The following METTL13 variants were observed in gnomAD, a reference collection of about 807,000 sequenced individuals.
The protein encoded by METTL13 is eEF1A lysine and N-terminal methyltransferase.
Under a neutral mutation model 67.4 loss-of-function variants are expected in METTL13, and 52 were observed. The ratio of observed to expected loss-of-function variants is 0.77; its 90% CI spans 0.62 to 0.97. METTL13 has a LOEUF of 0.97. METTL13 is among the 50% of genes least tolerant of loss of function. METTL13 has a pLI of 0.00. For synonymous variants in METTL13, 354 were observed against 353.6 expected, an observed-to-expected ratio of 1.00 and a Z score of -0.01; for missense variants, 825 against 889.6, an observed-to-expected ratio of 0.93 and a Z score of 0.92.
chr1:171,787,816 G>C lies in METTL13; in HGVS notation c.1195G>C (p.Val399Leu). 1 of 1,614,174 alleles carries C rather than the reference G, an allele frequency of 6.2e-7. No homozygotes were observed. Among genetic ancestry groups the C allele is most frequent in the Non-Finnish European group, 8.5e-7 (1 of 1,180,028 alleles). Reference protein sequence around the residue: ...QDCSPLSGDYVIEDVQGDDKR... With the variant: ...QDCSPLSGDYLIEDVQGDDKR... ...CTGCAGCCCCTTGAGCGGTGACTAT[G>C]TCATTGAGGATGTGCAAGGGGATGA... Residue 399 changes from valine (V) to leucine (L), a missense_variant, in exon 4 of 8, where the codon GTC becomes CTC. Coordinates refer to ENST00000361735, the MANE Select transcript of METTL13 (RefSeq NM_015935.5).
intron 2 of METTL13, 94 bp from the exon 3 acceptor site, chr1:171,785,785 C>T: frequency 1.5e-6 from 2 of 1,308,656 alleles, no homozygotes; most frequent in Non-Finnish European, 2.1e-6. Flanking sequence ...AGATGCTGGT[C>T]TTGGACAGGG....
Position 171,785,963 on chromosome 1 carries a change from T to C in METTL13, c.998T>C (p.Leu333Ser), listed in dbSNP as rs1656993691. 1 of 1,613,818 alleles carries C rather than the reference T, an allele frequency of 6.2e-7. No individual in the cohort carries two copies. Among genetic ancestry groups the C allele is most frequent in the Non-Finnish European group, 8.5e-7 (1 of 1,179,970 alleles). Reference sequence around the variant, plus strand: ...GCGGCCAGTGCTGGCTTCAGGAGGTTGATTACAGTGGCCCTTCACCGAGGT... The same window carrying C: ...GCGGCCAGTGCTGGCTTCAGGAGGTCGATTACAGTGGCCCTTCACCGAGGT... ...QLAASAGFRR[L>S]ITVALHRGQQ... Residue 333 changes from leucine (L) to serine (S), a missense_variant, in exon 3 of 8, where the codon TTG (leucine) becomes TCG (serine). Coordinates refer to ENST00000361735, the MANE Select transcript of METTL13 (RefSeq NM_015935.5).
At chr1:171,783,604 C>T (rs1368913512) in intron 1 of METTL13, 136 bp from the exon 2 acceptor site, 19 of 978,848 alleles carry the variant, frequency 1.9e-5, no homozygotes, top group African/African-American at 3.3e-5. Flanking sequence ...TCTACAATGT[C>T]GCTCTTTCTC....
At chr1:171,790,685 C>T in intron 5 of METTL13, 69 bp downstream of exon 5, 2 of 1,358,578 alleles carry the variant, frequency 1.5e-6, no homozygotes, top group Non-Finnish European at 1.9e-6. Context: ...ATTGGTGTCA[C>T]TTGCATTGTA....
chr1:171,794,256 C>T (rs962515540), intron 6 of METTL13, 140 bp from the exon 7 acceptor site: 1 of 1,262,462 alleles, frequency 7.9e-7, no homozygotes. Context: ...AGTGCCCTTA[C>T]AGGCAAACCA....
intron 4 of METTL13, among the ~76,000 whole-genome samples, chr1:171,789,167 A>G (rs1158606026): frequency 6.6e-6 from 1 of 152,200 alleles, no homozygotes; most frequent in East Asian, 1.9e-4. Flanking sequence ...TCATGGAAAG[A>G]ACGTTCTCCC....
Position 171,781,867 on chromosome 1 carries a change from C to T in METTL13, c.-101C>T. The T allele has an allele frequency of 5.2e-6, 8 of 1,544,136 alleles. No homozygotes were observed. Among genetic ancestry groups the T allele is most frequent in the Non-Finnish European group, 6.1e-6 (7 of 1,146,036 alleles). ...GCTGTTTTTCCGTGGAAAGAATTCC[C>T]ACTGCAGTGTCCCGGAGCCTGCGTG... On this transcript the variant is annotated 5_prime_UTR_variant, in exon 1 of 8. Transcript: ENST00000361735.
chr1:171,796,822 G>T lies in METTL13; in HGVS notation c.*66G>T. ...GACTCCCAGCCTGCCAGAGAATGAA[G>T]AAATACAACGCACAGTACTTTTGAA... On this transcript the variant is annotated 3_prime_UTR_variant, in exon 8 of 8. Transcript: ENST00000361735. The T allele has an allele frequency of 6.4e-7, 1 of 1,562,928 alleles. No homozygotes were observed. The highest frequency in any genetic ancestry group is 8.7e-7 in the Non-Finnish European group (1 of 1,152,992).
chr1:171,788,274 T>C (rs1657092023), intron 4 of METTL13, among the ~76,000 whole-genome samples: 1 of 152,238 alleles, frequency 6.6e-6, no homozygotes, highest in African/African-American at 2.4e-5. Context: ...AGGTGAGCCC[T>C]GCCCTCCATA....
At position 171,781,991 on chromosome 1, in the gene METTL13, C is replaced by A. The variant is rs1158131021; in HGVS notation, c.24C>A (p.Ser8=). Residue 8 remains serine, a synonymous_variant, in exon 1 of 8, where the codon TCC becomes TCA. Transcript: ENST00000361735. MNLLPKS[S]REFGSVDYWE... ...ACATGAACCTCTTACCTAAAAGTTC[C>A]AGGGAGTTTGGCTCCGTTGACTATT... is the stretch of plus-strand genomic sequence containing the variant. 6.2e-7 allele frequency: 1 copy of A among 1,614,142 alleles called. No individual in the cohort carries two copies. Among genetic ancestry groups the A allele is most frequent in the East Asian group, 2.2e-5 (1 of 44,872 alleles).
intron 7 of METTL13, 66 bp from the exon 8 acceptor site, chr1:171,796,416 G>A (rs2124908498): frequency 1.9e-6 from 3 of 1,577,268 alleles, no homozygotes; most frequent in South Asian, 2.3e-5. Context: ...TTTCCTCAAA[G>A]CCGATCCTTG....
In METTL13 at chr1:171,796,554, T is replaced by C; in HGVS notation, c.1898T>C (p.Val633Ala). The C allele has an allele frequency of 2.5e-6, 4 of 1,614,190 alleles. No individual in the cohort carries two copies. Among genetic ancestry groups the C allele is most frequent in the Non-Finnish European group, 3.4e-6 (4 of 1,180,036 alleles). Residue 633 changes from valine (V) to alanine (A), a missense_variant, in exon 8 of 8, where the codon GTG becomes GCG. Val to Ala is a moderately conservative substitution (Grantham distance 64). Transcript: ENST00000361735. The stretch of plus-strand genomic sequence containing the variant: ...TCAGTGCTGGCTGGGCTCAAGGCAG[T>C]GTTCCCCCTCCTATATGTCCGGCGA... Reference protein sequence around the residue: ...KDSVLAGLKAVFPLLYVRRIE... With the variant: ...KDSVLAGLKAAFPLLYVRRIE...
chr1:171,784,303 C>T lies in METTL13; in HGVS notation c.717C>T (p.Ala239=), dbSNP rs373283423. 2.7e-5 allele frequency: 44 copies of T among 1,608,724 alleles called. 1 individual carries two copies. The highest frequency in any genetic ancestry group is 2.3e-4 in the South Asian group (21 of 90,696). The change falls in exon 2 of 8, where the codon GCC becomes GCT. Residue 239 remains alanine, a synonymous_variant. Transcript: ENST00000361735. ...GCAAGCCTGTGCGGCTGGAGAGTGC[C>T]GAGCGGCTGGCCGAGGCGGTGCAGG... The part of the protein sequence containing the change: ...EQRKPVRLES[A]ERLAEAVQER...
chr1:171,783,860 G>A lies in METTL13; in HGVS notation c.274G>A (p.Ala92Thr), dbSNP rs765988287. 9 of 1,614,108 alleles carry A rather than the reference G, an allele frequency of 5.6e-6. No homozygotes were observed. The highest frequency in any genetic ancestry group is 7.6e-6 in the Non-Finnish European group (9 of 1,180,052). Residue 92 changes from alanine (A) to threonine (T), a missense_variant, in exon 2 of 8, where the codon GCC becomes ACC. Physicochemically the swap from Ala to Thr is moderately conservative, Grantham distance 58. Transcript: ENST00000361735. ...VVIKQMKECN[A>T]TRRPQMSFLK... Reference sequence around the variant, plus strand: ...CATCAAGCAAATGAAGGAATGTAATGCCACCCGACGGCCCCAGATGAGCTT... The same window carrying A: ...CATCAAGCAAATGAAGGAATGTAATACCACCCGACGGCCCCAGATGAGCTT...
rs1558132684 is a variant in METTL13 at position 171,792,052 on chromosome 1, G to A, written c.1510G>A (p.Gly504Arg). 18 of 1,612,818 alleles carry A rather than the reference G, an allele frequency of 1.1e-5. No individual in the cohort carries two copies. Among genetic ancestry groups the A allele is most frequent in the South Asian group, 3.3e-5 (3 of 91,032 alleles). ...GGCATTGTTGGTGGTAGGCCTGGGC[G>A]GGGGCAGCCTCCCCCTCTTTGTCCA... ...PLALLVVGLG[G>R]GSLPLFVHDH... Residue 504 changes from glycine to arginine, a missense_variant, in exon 6 of 8, where the codon GGG becomes AGG. By Grantham distance (125) the Gly-to-Arg change is moderately radical. Transcript: ENST00000361735.
intron 1 of METTL13, among the ~76,000 whole-genome samples, chr1:171,783,186 C>G (rs866881951): frequency 6.6e-6 from 1 of 151,578 alleles, no homozygotes; most frequent in African/African-American, 2.4e-5. Flanking sequence ...ATGGCAATAT[C>G]AGAATTTCTA....
rs371511385 is a variant in METTL13, at chr1:171,784,516, C to A, written c.913+17C>A. On this transcript the variant is annotated intron_variant, in intron 2 of 7. Transcript: ENST00000361735. ...TTTTCATCAGTGAGTTGGGATTGCT[C>A]CCTCTCTTCCCTGGAGGGGCTGGCT... 1.3e-6 allele frequency: 2 copies of A among 1,490,830 alleles called. No individual in the cohort carries two copies. The highest frequency in any genetic ancestry group is 2.8e-5 in the African/African-American group (2 of 71,152). The allele number at this position is 1,490,830 out of a possible 1,614,324, so 92.4% of individuals were successfully genotyped here.
rs1280061416 is a variant in METTL13, at chr1:171,797,639, T to G, written c.*883T>G. 1 of 152,246 alleles carries G rather than the reference T, an allele frequency of 6.6e-6. No individual in the cohort carries two copies. Among genetic ancestry groups the G allele is most frequent in the Non-Finnish European group, 1.5e-5 (1 of 68,036 alleles). 9.4% of individuals were successfully genotyped at this position (152,246 alleles called of 1,614,324 possible). A position where few individuals can be genotyped will look rare whatever the true frequency, so the allele number is the denominator to read the frequency against. The stretch of plus-strand genomic sequence containing the variant: ...AAAGGATACTTAAGCCCAAACTATA[T>G]CTAAACCCAAATCTCACTTGGCTGG... On this transcript the variant is annotated 3_prime_UTR_variant, in exon 8 of 8. Coordinates refer to ENST00000361735, the MANE Select transcript of METTL13 (RefSeq NM_015935.5).
chr1:171,786,211 C>T lies in METTL13; in HGVS notation c.1113+133C>T, dbSNP rs548891343. The T allele has an allele frequency of 5.0e-6, 5 of 993,532 alleles. No individual in the cohort carries two copies. In the African/African-American group the frequency reaches 6.6e-5, roughly 13 times the overall value. The allele number at this position is 993,532 out of a possible 1,614,324, so 61.5% of individuals were successfully genotyped here. ...TCTAATCCTGGAGGGGTATCAGCAG[C>T]TAAGGGTTAAATGGCAGGGAAACTG... On this transcript the variant is annotated intron_variant, in intron 3 of 7. Coordinates refer to ENST00000361735, the MANE Select transcript of METTL13 (RefSeq NM_015935.5).
Sources: gnomAD v4.1 joint callset for allele counts (sites outside exome capture counted in the v4.1 genomes callset) on GRCh38, gnomAD v4.1.1 for gene constraint, MANE v1.5 for transcripts, NCBI Gene and HGNC (gene_info 2026-07-23, HGNC 2026-07-21) for gene names.